Variants in PPP2R2D observed in about 807,000 individuals in gnomAD.
PPP2R2D encodes protein phosphatase 2 regulatory subunit Bdelta, also known as serine/threonine-protein phosphatase 2A 55 kDa regulatory subunit B delta isoform.
A neutral mutation model predicts 31.1 loss-of-function variants in PPP2R2D; 9 were observed. The ratio of observed to expected loss-of-function variants is 0.29; its 90% CI spans 0.17 to 0.51. The LOEUF (loss-of-function observed/expected upper bound fraction) is 0.51. Ranked by LOEUF, PPP2R2D falls within the 20% of genes least tolerant of loss-of-function variation. The probability of loss-of-function intolerance (pLI) is 0.98; values close to 1 mark genes in which losing one functional copy is unlikely to be tolerated. For synonymous variants in PPP2R2D, 179 were observed against 172.6 expected (o/e 1.04, Z -0.29); for missense variants, 391 against 465.6 (o/e 0.84, Z 1.48).
intron 5 of PPP2R2D, among the ~76,000 whole-genome samples, chr10:131,943,766 G>GGGGA (rs2036484046): frequency 6.6e-6 from 1 of 152,210 alleles, no homozygotes; most frequent in African/African-American, 2.4e-5. Context: ...ATGGAAGCAA[G>GGGGA]GGGAAGACTT....
chr10:131,956,651 C>A lies in PPP2R2D; in HGVS notation c.*688C>A. The A allele has an allele frequency of 1.3e-6, 1 of 775,092 alleles. No homozygotes were observed. Among genetic ancestry groups the A allele is most frequent in the Non-Finnish European group, 1.6e-6 (1 of 637,944 alleles). The allele number at this position is 775,092 out of a possible 1,614,324, so 48.0% of individuals were successfully genotyped here. A position where few individuals can be genotyped will look rare whatever the true frequency, so the allele number is the denominator to read the frequency against. ...TTGAGAAATGTGTGTCCTTCTTTGG[C>A]AGCGTGGGGGTATGTGTGCAGCATT... On this transcript the variant is annotated 3_prime_UTR_variant, in exon 9 of 9. Transcript: ENST00000455566.
the PPP2R2D span, chr10:131,970,567 G>A: frequency 9.0e-5 from 139 of 1,549,788 alleles, 2 homozygotes; most frequent in South Asian, 8.0e-4. The surrounding 1 kb of genome is among the most constrained non-coding windows in gnomAD (Gnocchi z 4.1). Context: ...AACAGGTTAC[G>A]AATAAATCAC....
intron 2 of PPP2R2D, among the ~76,000 whole-genome samples, chr10:131,910,181 T>C (rs1469446134): frequency 6.6e-6 from 1 of 152,260 alleles, no homozygotes; most frequent in Non-Finnish European, 1.5e-5. Flanking sequence ...TTCTGTACTC[T>C]CTTCCGTCAG....
intron 2 of PPP2R2D, among the ~76,000 whole-genome samples, chr10:131,927,002 G>A (rs1261769900): frequency 4.6e-5 from 7 of 152,206 alleles, no homozygotes; most frequent in African/African-American, 9.7e-5. Context: ...TGGTGACCAC[G>A]AGTCCAAAGA....
At chr10:131,935,486 T>C (rs779860872) in intron 3 of PPP2R2D, among the ~76,000 whole-genome samples, 19 of 151,352 alleles carry the variant, frequency 1.3e-4, no homozygotes, top group Non-Finnish European at 2.4e-4. Flanking sequence ...GTGCTGGCCC[T>C]GCCCCCCAGG....
intron 2 of PPP2R2D, among the ~76,000 whole-genome samples, chr10:131,929,663 G>A (rs1212313642): frequency 5.9e-5 from 9 of 151,954 alleles, no homozygotes; most frequent in East Asian, 1.9e-4. Context: ...ACACCTGCCC[G>A]CTCCATTCTC....
rs1036292899 is a variant in PPP2R2D, at chr10:131,945,226, G to T, written c.656-69G>T. 5.9e-6 allele frequency: 9 copies of T among 1,521,270 alleles called. No individual in the cohort carries two copies. In the African/African-American group the frequency reaches 9.6e-5, roughly 16 times the overall value. The allele number at this position is 1,521,270 out of a possible 1,614,324, so 94.2% of individuals were successfully genotyped here. A position where few individuals can be genotyped will look rare whatever the true frequency, so the allele number is the denominator to read the frequency against. ...CGTGGATTATTTGGCGTCCTATTTCGCGTGACTGAATGTAGACTAATTAAC... is the reference window on the plus strand; with the variant it reads ...CGTGGATTATTTGGCGTCCTATTTCTCGTGACTGAATGTAGACTAATTAAC... On this transcript the variant is annotated intron_variant, in intron 6 of 8. Transcript: ENST00000455566. This position sits in a 1 kb window ranked among gnomAD's most constrained non-coding sequence, Gnocchi z 4.8.
chr10:131,962,310 G>C (rs1384415013), downstream of PPP2R2D, among the ~76,000 whole-genome samples: 3 of 152,148 alleles, frequency 2.0e-5, no homozygotes, highest in African/African-American at 7.2e-5. Context: ...GGGCGGTCCA[G>C]TCCTAAGAAA....
intron 2 of PPP2R2D, among the ~76,000 whole-genome samples, chr10:131,913,184 A>ATTTTTTT (rs36188479): frequency 7.4e-6 from 1 of 134,834 alleles, no homozygotes; most frequent in Non-Finnish European, 1.6e-5. Flanking sequence ...TGCCCGGCTA[A>ATTTTTTT]TTTTTTTTTT....
the PPP2R2D span, chr10:131,969,775 G>A: frequency 0.011 from 1,646 of 149,424 alleles, 27 homozygotes; most frequent in African/African-American, 0.04. Context: ...GGACCAGCCC[G>A]AGGAGGAGCC....
chr10:131,912,096 C>A (rs1344858898), intron 2 of PPP2R2D: 5 of 152,144 alleles, frequency 3.3e-5, no homozygotes, highest in African/African-American at 7.2e-5. Context: ...TGTGTATAAG[C>A]AATCTTTTTT....
intron 3 of PPP2R2D, among the ~76,000 whole-genome samples, chr10:131,935,362 G>C (rs10430615): frequency 0.11 from 16,868 of 152,228 alleles, 1,154 homozygotes; most frequent in East Asian, 0.34. Context: ...TTTCCTAACA[G>C]ATGAAAGGGA....
chr10:131,928,785 AAAAG>A (rs540665617), intron 2 of PPP2R2D, among the ~76,000 whole-genome samples: 346 of 152,326 alleles, frequency 2.3e-3, no homozygotes, highest in Non-Finnish European at 3.6e-3. Flanking sequence ...TTAAGTTAGG[AAAAG>A]TCTCAGGATA....
chr10:131,906,131 TC>T (rs1238268612), intron 2 of PPP2R2D, among the ~76,000 whole-genome samples: 9 of 152,338 alleles, frequency 5.9e-5, no homozygotes, highest in Non-Finnish European at 1.2e-4. Context: ...GATGTCACTT[TC>T]CACATGACTG....
chr10:131,949,299 C>T (rs1467250934), intron 8 of PPP2R2D, among the ~76,000 whole-genome samples: 1 of 152,114 alleles, frequency 6.6e-6, no homozygotes, highest in Non-Finnish European at 1.5e-5. Context: ...AGTAAACACA[C>T]CTGCACTTTG....
At chr10:131,932,050 G>A (rs1479304466) in intron 2 of PPP2R2D, among the ~76,000 whole-genome samples, 1 of 152,026 alleles carries the variant, frequency 6.6e-6, no homozygotes, top group Non-Finnish European at 1.5e-5. Context: ...TGACACCTGG[G>A]CGGGGGTGGG....
downstream of PPP2R2D, among the ~76,000 whole-genome samples, chr10:131,961,514 G>A (rs373028673): frequency 6.6e-6 from 1 of 152,168 alleles, no homozygotes; most frequent in African/African-American, 2.4e-5. Context: ...CACAGCACCC[G>A]GCTGGGCACT....
chr10:131,951,405 G>A (rs528434077), intron 8 of PPP2R2D, among the ~76,000 whole-genome samples: 42 of 152,358 alleles, frequency 2.8e-4, no homozygotes, highest in African/African-American at 9.9e-4. Context: ...TCAATTATTA[G>A]AACTACATGG....
Position 131,945,562 on chromosome 10 carries a change from C to G in PPP2R2D, c.820+103C>G. 1 of 1,376,356 alleles carries G rather than the reference C, an allele frequency of 7.3e-7. No individual in the cohort carries two copies. 85.3% of individuals were successfully genotyped at this position (1,376,356 alleles called of 1,614,324 possible). A position where few individuals can be genotyped will look rare whatever the true frequency, so the allele number is the denominator to read the frequency against. ...GCAAGCTCCGCCTCCCGGGTTCCAG[C>G]AAGTCTTCTGCCTCGGCCTCCCGAG... On this transcript the variant is annotated intron_variant, in intron 7 of 8. Transcript: ENST00000455566. The surrounding 1 kb of genome is among the most constrained non-coding windows in gnomAD (Gnocchi z 4.8).
Sources: gnomAD v4.1 joint callset for allele counts (sites outside exome capture counted in the v4.1 genomes callset) on GRCh38, gnomAD v4.1.1 for gene constraint, Gnocchi (gnomAD v3.1) non-coding constraint, MANE v1.5 for transcripts, NCBI Gene and HGNC (gene_info 2026-07-23, HGNC 2026-07-21) for gene names.